NEB: variants seen among roughly 807,000 people sequenced by gnomAD.
NEB encodes nebulin, also known as nemaline myopathy type 2.
NEB carries 512 observed loss-of-function variants against 952.2 expected under a neutral mutation model. That is an observed-to-expected ratio of 0.54 (90% CI 0.50 to 0.58). NEB has a LOEUF of 0.58. NEB is among the 20% of genes least tolerant of loss of function. The pLI is 0.00. For synonymous variants in NEB, 2,900 were observed against 3,149.8 expected, an observed-to-expected ratio of 0.92 and a Z score of 2.66; for missense variants, 8,428 against 9,231.1, an observed-to-expected ratio of 0.91 and a Z score of 3.56.
rs764386144 is a variant in NEB, at chr2:151,695,561, G to A, written c.1674+17C>T. 1.4e-5 allele frequency: 22 copies of A among 1,583,938 alleles called. No homozygotes were observed. The highest frequency in any genetic ancestry group is 1.8e-5 in the Non-Finnish European group (21 of 1,153,404). Reference sequence around the variant, plus strand: ...GGTTGTCAGTACATCACATGGTACAGGGCATAAGGAACTTACATCACTCAA... The same window carrying A: ...GGTTGTCAGTACATCACATGGTACAAGGCATAAGGAACTTACATCACTCAA... On this transcript the variant is annotated intron_variant, in intron 18 of 181. Transcript: ENST00000397345.
At chr2:151,722,278 T>C (rs994752334) in intron 9 of NEB, among the ~76,000 whole-genome samples, 2 of 152,218 alleles carry the variant, frequency 1.3e-5, no homozygotes, top group African/African-American at 4.8e-5. Context: ...CCAATGGTCA[T>C]GTAAGAAAGT....
chr2:151,638,561 C>T (rs879618905), intron 63 of NEB, among the ~76,000 whole-genome samples: 5 of 152,200 alleles, frequency 3.3e-5, no homozygotes, highest in Non-Finnish European at 7.3e-5. Context: ...ACATCAGAAG[C>T]TTTCTCATAA....
At chr2:151,676,185 T>C (rs904983386) in intron 34 of NEB, among the ~76,000 whole-genome samples, 1 of 152,232 alleles carries the variant, frequency 6.6e-6, no homozygotes, top group Non-Finnish European at 1.5e-5. Flanking sequence ...GGCTAATAGC[T>C]AAATTAATCC....
rs754310164 is a variant in NEB, at chr2:151,610,086, C to T, written c.12053G>A (p.Gly4018Asp). Residue 4018 changes from glycine (G) to aspartate (D), a missense_variant, in exon 81 of 182, where the codon GGC becomes GAC. Transcript: ENST00000397345. ...AATGCTCTGGGCTCCAATGTGGTGG[C>T]CTTTCTGTTTCTCATAGGCTTCCTT... is the stretch of plus-strand genomic sequence containing the variant. ...KYKEAYEKQK[G>D]HHIGAQSIED... The T allele has an allele frequency of 6.2e-7, 1 of 1,612,918 alleles. No individual in the cohort carries two copies.
At chr2:151,626,228 C>T (rs749894317) in intron 70 of NEB, among the ~76,000 whole-genome samples, 1 of 152,046 alleles carries the variant, frequency 6.6e-6, no homozygotes, top group Non-Finnish European at 1.5e-5. Flanking sequence ...GATCCTCCCA[C>T]CTCAGCCTCC....
intron 153 of NEB, among the ~76,000 whole-genome samples, chr2:151,521,645 T>C (rs557275976): frequency 6.6e-6 from 1 of 152,350 alleles, no homozygotes; most frequent in African/African-American, 2.4e-5. Context: ...AAAGTCCTCC[T>C]TCTGTCTTTT....
chr2:151,659,278 A>G, intron 46 of NEB, 109 bp from the exon 47 acceptor site: 3 of 609,982 alleles, frequency 4.9e-6, no homozygotes, highest in Non-Finnish European at 8.4e-6. Flanking sequence ...TTTATTAGCT[A>G]GGTTTAAATT....
intron 170 of NEB, 193 bp downstream of exon 170, chr2:151,498,067 T>G: frequency 2.1e-6 from 3 of 1,457,368 alleles, no homozygotes; most frequent in Non-Finnish European, 2.7e-6. Context: ...AAAACATGTT[T>G]GTTTGTAAAT....
intron 169 of NEB, among the ~76,000 whole-genome samples, chr2:151,498,891 T>TAA (rs66881625): frequency 2.1e-4 from 32 of 150,296 alleles, no homozygotes; most frequent in Admixed American, 7.9e-4. Flanking sequence ...GATAAGGTGC[T>TAA]AAAAAAAAGA....
At chr2:151,503,571 AG>A (rs1386461142) in intron 165 of NEB, 130 bp from the exon 166 acceptor site, 23 of 588,394 alleles carry the variant, frequency 3.9e-5, no homozygotes, top group Middle Eastern at 7.5e-4. Context: ...TTCAAGGAAC[AG>A]GGGGGAAAAT....
In NEB at chr2:151,538,172, A is replaced by G. The variant is rs1325056451; in HGVS notation, c.20965T>C (p.Tyr6989His). ...ATGTCATCTGTGACTTTGCGATGAT[A>G]GACAATGTCTAGGGCATCTTTCACC... Reference protein sequence around the residue: ...HTVKDALDIVYHRKVTDDISK... With the variant: ...HTVKDALDIVHHRKVTDDISK... Residue 6989 changes from tyrosine (Y) to histidine (H), a missense_variant, in exon 139 of 182, where the codon TAT becomes CAT. By Grantham distance (83) the Tyr-to-His change is moderately conservative (BLOSUM62 2). Around this residue, in one of 11 missense-constraint regions of NEB, gnomAD observed 3,374 missense variants for 3,651.5 expected, o/e 0.92. Coordinates refer to ENST00000397345, the MANE Select transcript of NEB (RefSeq NM_001164508.2). The G allele has an allele frequency of 6.2e-7, 1 of 1,612,720 alleles. No homozygotes were observed. The highest frequency in any genetic ancestry group is 1.7e-5 in the Admixed American group (1 of 60,016).
chr2:151,627,618 C>G lies in NEB; in HGVS notation c.10048G>C (p.Asp3350His), dbSNP rs377180119. ...TGCAGGTAGTTCTTGTAGTCCACAT[C>G]GCTGACTAAGGTCTGGCACTTCTTG... Reference protein sequence around the residue: ...LAKKCQTLVSDVDYKNYLHEW... With the variant: ...LAKKCQTLVSHVDYKNYLHEW... Residue 3350 changes from aspartate to histidine, a missense_variant, in exon 69 of 182, where the codon GAT (aspartate) becomes CAT (histidine). Around this residue, in one of 11 missense-constraint regions of NEB, gnomAD observed 1,772 missense variants for 1,960.3 expected, o/e 0.90. Transcript: ENST00000397345. 2.5e-6 allele frequency: 4 copies of G among 1,613,898 alleles called. No homozygotes were observed. In the Admixed American group the frequency reaches 6.7e-5, roughly 27 times the overall value.
chr2:151,513,064 A>G (rs775600441), intron 160 of NEB, among the ~76,000 whole-genome samples: 7 of 152,194 alleles, frequency 4.6e-5, no homozygotes, highest in Non-Finnish European at 8.8e-5. Flanking sequence ...TGGATGCAGG[A>G]TGGGATATGG....
In NEB at chr2:151,663,196, AT is replaced by A. The variant is rs2099166812; in HGVS notation, c.5763+351del. ...GGGGCTGGAGCTATCAGGTTATCTG[AT>A]TTCTTACTTTCCCTTTTATTCCTCT... On this transcript the variant is annotated intron_variant, in intron 45 of 181. Coordinates refer to ENST00000397345, the MANE Select transcript of NEB (RefSeq NM_001164508.2). Among the ~76,000 whole-genome samples, 3 of 152,252 alleles carry A rather than the reference AT, an allele frequency of 2.0e-5. No individual in the cohort carries two copies. In the South Asian group the frequency reaches 6.2e-4, roughly 32 times the overall value.
chr2:151,694,259 G>A, intron 20 of NEB, 64 bp downstream of exon 20: 1 of 1,359,638 alleles, frequency 7.4e-7, no homozygotes, highest in South Asian at 1.2e-5. Context: ...TCCATCCAAG[G>A]TTATATTAAA....
intron 181 of NEB, chr2:151,486,146 G>T (rs534886159): frequency 1.9e-6 from 1 of 521,886 alleles, no homozygotes; most frequent in Non-Finnish European, 3.4e-6. Context: ...AACATATGAC[G>T]AACTCCTACA....
Position 151,531,798 on chromosome 2 carries a change from G to A in NEB, c.21516C>T (p.Ile7172=), listed in dbSNP as rs1576489349. The part of the protein sequence containing the change: ...HLRTTKVNKQ[I]SDILYKLEYN... The stretch of plus-strand genomic sequence containing the variant: ...CAGTGTTTCTTGCACTTACATCGCT[G>A]ATTTGTTTGTTGACTTTTGTAGTAC... Residue 7172 remains isoleucine (I), a synonymous_variant, in exon 144 of 182, where the codon ATC becomes ATT. Coordinates refer to ENST00000397345, the MANE Select transcript of NEB (RefSeq NM_001164508.2). 6.2e-7 allele frequency: 1 copy of A among 1,608,842 alleles called. No homozygotes were observed. Among genetic ancestry groups the A allele is most frequent in the Non-Finnish European group, 8.5e-7 (1 of 1,176,010 alleles).
intron 8 of NEB, 33 bp downstream of exon 8, chr2:151,724,224 TAGG>T: frequency 6.8e-7 from 1 of 1,462,290 alleles, no homozygotes; most frequent in Non-Finnish European, 9.5e-7. Flanking sequence ...TGGGATGACA[TAGG>T]AAGACAGAAG....
At chr2:151,525,407 A>G (rs1295177692) in intron 150 of NEB, 134 bp from the exon 151 acceptor site, 1 of 650,214 alleles carries the variant, frequency 1.5e-6, no homozygotes, top group Non-Finnish European at 2.7e-6. Context: ...GATAAGACCC[A>G]TATTCTAGTT....
Sources: allele counts gnomAD v4.1 joint callset (sites outside exome capture counted in the v4.1 genomes callset), GRCh38; gene constraint gnomAD v4.1.1; regional missense constraint gnomAD v4.1.1; transcripts MANE v1.5; gene names NCBI Gene and HGNC (gene_info 2026-07-23, HGNC 2026-07-21).